The following CDC14A variants were observed in gnomAD, a reference collection of about 807,000 sequenced individuals.
CDC14A encodes the protein dual specificity protein phosphatase CDC14A.
In CDC14A, 53 loss-of-function variants were observed where a neutral mutation model predicts 74.4. The observed-to-expected ratio is 0.71, with a 90% CI of 0.57 to 0.89. The LOEUF (loss-of-function observed/expected upper bound fraction) is 0.89. CDC14A is among the 40% of genes least tolerant of loss of function. The pLI, the probability that CDC14A is intolerant of heterozygous loss-of-function variation, is 0.00. For missense variants in CDC14A, 646 were observed against 713.7 expected (o/e 0.91, Z 1.08); for synonymous variants, 247 against 258.4 (o/e 0.96, Z 0.43).
upstream of CDC14A, among the ~76,000 whole-genome samples, chr1:100,349,487 G>A (rs1650724396): frequency 1.3e-5 from 2 of 152,172 alleles, no homozygotes; most frequent in Admixed American, 1.3e-4. Context: ...GGATAACTGA[G>A]AGAATAAAGT....
chr1:100,362,040 C>T (rs138277388), intron 2 of CDC14A, among the ~76,000 whole-genome samples: 3 of 152,190 alleles, frequency 2.0e-5, no homozygotes, highest in African/African-American at 7.2e-5. Context: ...AGAGGGACAC[C>T]TTTAAGTAGG....
Position 100,352,697 on chromosome 1 carries a change from G to C in CDC14A, c.-258G>C. ...GCGGAGCAGCAGCTGCAGCAGCCGA[G>C]TCCAAATAGGAGCGGCCACAGCCAG... On this transcript the variant is annotated 5_prime_UTR_variant, in exon 1 of 16. Transcript: ENST00000336454. The C allele has an allele frequency of 7.4e-7, 1 of 1,344,786 alleles. No individual in the cohort carries two copies. The highest frequency in any genetic ancestry group is 9.5e-7 in the Non-Finnish European group (1 of 1,051,794). The allele number at this position is 1,344,786 out of a possible 1,614,324, so 83.3% of individuals were successfully genotyped here.
intron 4 of CDC14A, among the ~76,000 whole-genome samples, chr1:100,416,563 G>A (rs1261857357): frequency 6.6e-6 from 1 of 152,054 alleles, no homozygotes; most frequent in Non-Finnish European, 1.5e-5. Flanking sequence ...GGTCTTATTA[G>A]GGACATTTAC....
chr1:100,374,276 G>T (rs1042727333), intron 2 of CDC14A, among the ~76,000 whole-genome samples: 1 of 152,140 alleles, frequency 6.6e-6, no homozygotes, highest in Non-Finnish European at 1.5e-5. Flanking sequence ...ACGTGTGCAT[G>T]TGTCTTTATA....
At chr1:100,348,917 G>A (rs149027264), upstream of CDC14A, among the ~76,000 whole-genome samples, 549 of 152,334 alleles carry the variant, frequency 3.6e-3, 10 homozygotes, top group Non-Finnish European at 2.7e-3. Flanking sequence ...TTTTCAGGGC[G>A]AGTGCAGTGG....
chr1:100,391,384 G>T (rs774191659), intron 4 of CDC14A, among the ~76,000 whole-genome samples: 18 of 152,090 alleles, frequency 1.2e-4, no homozygotes, highest in Non-Finnish European at 2.5e-4. Context: ...TAGAAATTTT[G>T]TTCTCTGCAG....
At chr1:100,481,732 C>A (rs1669495576) in intron 10 of CDC14A, among the ~76,000 whole-genome samples, 1 of 152,216 alleles carries the variant, frequency 6.6e-6, no homozygotes, top group South Asian at 2.1e-4. Context: ...TTTTAAAGCA[C>A]ATGCCCTTTT....
intron 2 of CDC14A, among the ~76,000 whole-genome samples, chr1:100,371,617 C>G (rs1042203528): frequency 1.3e-5 from 2 of 152,104 alleles, no homozygotes; most frequent in Admixed American, 6.5e-5. Flanking sequence ...TTTGCATATG[C>G]TGACCCAACC....
At chr1:100,498,326 G>C in intron 14 of CDC14A, 119 bp downstream of exon 14, 1 of 1,116,364 alleles carries the variant, frequency 9.0e-7, no homozygotes, top group East Asian at 2.4e-5. Context: ...GAGAAACCAC[G>C]GAAGACCCTG....
chr1:100,370,600 G>T (rs1654340191), intron 2 of CDC14A, among the ~76,000 whole-genome samples: 1 of 152,132 alleles, frequency 6.6e-6, no homozygotes, highest in South Asian at 2.1e-4. Flanking sequence ...TGTTGATTTT[G>T]TTGAAGATCA....
At chr1:100,438,092 G>A (rs527686849) in intron 5 of CDC14A, among the ~76,000 whole-genome samples, 1 of 151,978 alleles carries the variant, frequency 6.6e-6, no homozygotes, top group South Asian at 2.1e-4. Flanking sequence ...AGCAATATAA[G>A]TGACAATTTA....
intron 15 of CDC14A, among the ~76,000 whole-genome samples, chr1:100,503,190 T>C (rs1224739409): frequency 1.3e-5 from 2 of 152,256 alleles, no homozygotes; most frequent in African/African-American, 4.8e-5. Flanking sequence ...TTTTTGTTTA[T>C]GGTCCAGTGC....
intron 8 of CDC14A, among the ~76,000 whole-genome samples, chr1:100,459,935 T>C (rs767422651): frequency 6.6e-6 from 1 of 152,262 alleles, no homozygotes; most frequent in Non-Finnish European, 1.5e-5. Context: ...TAACCGCTCA[T>C]GTTCATATCA....
intron 4 of CDC14A, chr1:100,392,966 A>T: frequency 9.5e-7 from 1 of 1,057,718 alleles, no homozygotes; most frequent in Non-Finnish European, 1.4e-6. Context: ...TGTTGTCCTT[A>T]ACAGTTCATT....
chr1:100,473,742 A>AGTGT (rs564280925), intron 10 of CDC14A, among the ~76,000 whole-genome samples: 1 of 151,552 alleles, frequency 6.6e-6, no homozygotes, highest in Non-Finnish European at 1.5e-5. Flanking sequence ...TTTATATGGG[A>AGTGT]GTGTGTGTGT....
chr1:100,462,896 TCG>T lies in CDC14A; in HGVS notation c.838+16_838+17del. On this transcript the variant is annotated intron_variant, in intron 9 of 15. Coordinates refer to ENST00000336454, the MANE Select transcript of CDC14A (RefSeq NM_003672.4). The stretch of plus-strand genomic sequence containing the variant: ...TCACTGCAAAGGTGTGTGCAAGGCC[TCG>T]GTGGTGGTGGCTGTGCTTATCGAAG... 1 of 1,594,212 alleles carries T rather than the reference TCG, an allele frequency of 6.3e-7. No individual in the cohort carries two copies. The highest frequency in any genetic ancestry group is 8.6e-7 in the Non-Finnish European group (1 of 1,162,200).
chr1:100,393,127 G>A, intron 4 of CDC14A: 1 of 1,474,398 alleles, frequency 6.8e-7, no homozygotes, highest in Admixed American at 1.7e-5. Context: ...AGTCCGTTCA[G>A]TCTCATAATT....
chr1:100,422,488 T>G (rs997116651), intron 4 of CDC14A, among the ~76,000 whole-genome samples: 1 of 152,198 alleles, frequency 6.6e-6, no homozygotes, highest in African/African-American at 2.4e-5. Context: ...ACCAATTCTG[T>G]TATATAACCT....
chr1:100,443,742 CT>C (rs1468580587), intron 7 of CDC14A, among the ~76,000 whole-genome samples: 4 of 152,088 alleles, frequency 2.6e-5, no homozygotes, highest in Admixed American at 6.6e-5. Context: ...CATTACAAGA[CT>C]TTTGATTAAT....
Sources: allele counts gnomAD v4.1 joint callset (sites outside exome capture counted in the v4.1 genomes callset), GRCh38; gene constraint gnomAD v4.1.1; transcripts MANE v1.5; gene names NCBI Gene and HGNC (gene_info 2026-07-23, HGNC 2026-07-21).